FSTL5: variants seen among roughly 807,000 people sequenced by gnomAD.
FSTL5 encodes the protein follistatin like 5.
In FSTL5, 62 loss-of-function variants were observed where a neutral mutation model predicts 89.1. The ratio of observed to expected loss-of-function variants is 0.70; its 90% CI spans 0.57 to 0.86. FSTL5 has a LOEUF of 0.86. FSTL5 is among the 40% of genes least tolerant of loss of function. The pLI, the probability that FSTL5 is intolerant of heterozygous loss-of-function variation, is 0.00. For missense variants in FSTL5, 1,057 were observed against 1,001.6 expected, an observed-to-expected ratio of 1.06 and a Z score of -0.75; for synonymous variants, 383 against 346.2, an observed-to-expected ratio of 1.11 and a Z score of -1.18.
intron 4 of FSTL5, among the ~76,000 whole-genome samples, chr4:161,808,768 A>G (rs180902070): frequency 6.6e-6 from 1 of 152,320 alleles, no homozygotes; most frequent in Non-Finnish European, 1.5e-5. Flanking sequence ...TTAATATCCA[A>G]AATATGTATG....
chr4:161,885,182 T>C (rs1246424326), intron 4 of FSTL5, among the ~76,000 whole-genome samples: 53 of 152,150 alleles, frequency 3.5e-4, no homozygotes, highest in Admixed American at 3.5e-3. Context: ...AAATTTGCCA[T>C]TTACGTTGTC....
chr4:161,495,503 C>T (rs575969989), intron 12 of FSTL5: 3 of 152,040 alleles, frequency 2.0e-5, no homozygotes, highest in South Asian at 2.1e-4. Context: ...TAGAAATAAT[C>T]GTATCTAGTA....
rs186218252 is a variant in FSTL5, at chr4:162,021,287, T to G, written c.160+12338A>C. Reference sequence around the variant, plus strand: ...CTGTATTGCATTGAAATAGGATTCATAGGGATAATTTTAAGAATGACAATC... The same window carrying G: ...CTGTATTGCATTGAAATAGGATTCAGAGGGATAATTTTAAGAATGACAATC... On this transcript the variant is annotated intron_variant, in intron 3 of 15. Coordinates refer to ENST00000306100, the MANE Select transcript of FSTL5 (RefSeq NM_020116.5). 1.2e-3 allele frequency among the ~76,000 whole-genome samples: 183 copies of G among 152,276 alleles called. 1 individual carries two copies. Among genetic ancestry groups the G allele is most frequent in the African/African-American group, 4.3e-3 (177 of 41,560 alleles).
intron 6 of FSTL5, among the ~76,000 whole-genome samples, chr4:161,702,748 T>G (rs1375146097): frequency 6.6e-6 from 1 of 152,102 alleles, no homozygotes; most frequent in African/African-American, 2.4e-5. Flanking sequence ...ATTATTGACT[T>G]CACTTATTGC....
chr4:161,623,177 GACAA>G (rs1735203746), intron 7 of FSTL5, among the ~76,000 whole-genome samples: 1 of 151,952 alleles, frequency 6.6e-6, no homozygotes, highest in Non-Finnish European at 1.5e-5. Context: ...ATACTTCAGA[GACAA>G]ACTCTGAAAA....
At chr4:161,800,772 T>C (rs981424726) in intron 4 of FSTL5, among the ~76,000 whole-genome samples, 3 of 151,610 alleles carry the variant, frequency 2.0e-5, no homozygotes, top group African/African-American at 7.2e-5. Flanking sequence ...CTAAAAACTG[T>C]GTAAGTAGTT....
At chr4:161,522,080 C>A (rs1731056979) in intron 10 of FSTL5, among the ~76,000 whole-genome samples, 1 of 151,980 alleles carries the variant, frequency 6.6e-6, no homozygotes, top group Non-Finnish European at 1.5e-5. Context: ...TCAGTCCCCA[C>A]CCCCATACAA....
chr4:161,858,114 T>A (rs923959382), intron 4 of FSTL5, among the ~76,000 whole-genome samples: 1 of 152,080 alleles, frequency 6.6e-6, no homozygotes, highest in African/African-American at 2.4e-5. Context: ...ACGGACAGGA[T>A]GAGGGCCCTT....
chr4:162,146,930 C>T (rs749763848), intron 1 of FSTL5, among the ~76,000 whole-genome samples: 1 of 151,806 alleles, frequency 6.6e-6, no homozygotes, highest in African/African-American at 2.4e-5. Context: ...TACAGGCGCA[C>T]GCCACCATGC....
intron 11 of FSTL5, among the ~76,000 whole-genome samples, chr4:161,504,904 T>C (rs987050536): frequency 1.3e-5 from 2 of 152,102 alleles, no homozygotes; most frequent in African/African-American, 2.4e-5. Context: ...TAATTTCTGA[T>C]CATTGGATGC....
chr4:161,985,497 T>C (rs1735940438), intron 3 of FSTL5, among the ~76,000 whole-genome samples: 1 of 152,050 alleles, frequency 6.6e-6, no homozygotes, highest in Non-Finnish European at 1.5e-5. Flanking sequence ...TAAAGAAATC[T>C]GTTTTTGAAC....
At chr4:161,564,233 A>C (rs999386894) in intron 8 of FSTL5, among the ~76,000 whole-genome samples, 1 of 151,136 alleles carries the variant, frequency 6.6e-6, no homozygotes, top group African/African-American at 2.4e-5. Context: ...GCATGTGTAC[A>C]TATATATGTA....
intron 7 of FSTL5, among the ~76,000 whole-genome samples, chr4:161,639,708 C>T (rs867891542): frequency 3.9e-5 from 6 of 152,118 alleles, no homozygotes; most frequent in Admixed American, 6.5e-5. Context: ...TAGCAGCCAC[C>T]CCTTCCCTGG....
chr4:161,556,844 G>GTATATATA (rs962466232), intron 8 of FSTL5, among the ~76,000 whole-genome samples: 5 of 144,780 alleles, frequency 3.5e-5, no homozygotes, highest in Admixed American at 7.0e-5. Context: ...GTGTGTGTGT[G>GTATATATA]TGTATATATA....
intron 3 of FSTL5, among the ~76,000 whole-genome samples, chr4:161,979,999 G>T (rs923780819): frequency 6.8e-6 from 1 of 146,516 alleles, no homozygotes; most frequent in Non-Finnish European, 1.5e-5. Context: ...TAAAATTCTC[G>T]AATTATTTCC....
chr4:161,604,272 A>T (rs893543418), intron 7 of FSTL5, among the ~76,000 whole-genome samples: 4 of 152,168 alleles, frequency 2.6e-5, no homozygotes, highest in African/African-American at 9.7e-5. Flanking sequence ...TAGCACTGTT[A>T]TCATGGATTA....
chr4:161,548,261 G>A (rs1578916024), intron 8 of FSTL5, among the ~76,000 whole-genome samples: 3 of 151,724 alleles, frequency 2.0e-5, no homozygotes, highest in South Asian at 2.1e-4. Flanking sequence ...TAGTATCTGC[G>A]ATAAACTGTA....
chr4:161,908,182 C>A (rs537549262), intron 4 of FSTL5, among the ~76,000 whole-genome samples: 2 of 152,118 alleles, frequency 1.3e-5, no homozygotes, highest in Admixed American at 6.6e-5. Flanking sequence ...TATCTTACCA[C>A]TTACCTCTAC....
chr4:161,582,888 T>G (rs1416669671), intron 8 of FSTL5, among the ~76,000 whole-genome samples: 1 of 152,116 alleles, frequency 6.6e-6, no homozygotes, highest in Non-Finnish European at 1.5e-5. Flanking sequence ...TTAAAACTTT[T>G]TTAAAAAGTT....
Sources: allele counts gnomAD v4.1 joint callset (sites outside exome capture counted in the v4.1 genomes callset), GRCh38; gene constraint gnomAD v4.1.1; transcripts MANE v1.5; gene names NCBI Gene and HGNC (gene_info 2026-07-23, HGNC 2026-07-21).